Variants in MEIOB observed in about 807,000 individuals in gnomAD.
MEIOB encodes the protein meiosis-specific with OB domain-containing protein.
Under a neutral mutation model 53.1 loss-of-function variants are expected in MEIOB, and 50 were observed. The observed-to-expected ratio is 0.94, with a 90% CI of 0.75 to 1.19. MEIOB has a LOEUF of 1.19. MEIOB is among the 50% of genes most tolerant of loss of function. MEIOB has a pLI of 0.00. For missense variants in MEIOB, 551 were observed against 550.8 expected (o/e 1.00, Z 0.00); for synonymous variants, 192 against 182.5 (o/e 1.05, Z -0.42).
intron 3 of MEIOB, among the ~76,000 whole-genome samples, chr16:1,863,253 G>A (rs1899495633): frequency 6.6e-6 from 1 of 151,890 alleles, no homozygotes; most frequent in Non-Finnish European, 1.5e-5. Context: ...TCAGTGACGC[G>A]ATCTCTCGGC....
chr16:1,835,472 G>T (rs1414181983), intron 13 of MEIOB, among the ~76,000 whole-genome samples: 1 of 151,834 alleles, frequency 6.6e-6, no homozygotes, highest in African/African-American at 2.4e-5. Flanking sequence ...AGAGTGGAAG[G>T]ACATATCAAC....
At chr16:1,859,636 GC>G (rs1899392924) in intron 5 of MEIOB, among the ~76,000 whole-genome samples, 1 of 152,182 alleles carries the variant, frequency 6.6e-6, no homozygotes, top group African/African-American at 2.4e-5. Flanking sequence ...ATTCACTGTG[GC>G]TACAGAGAAA....
intron 2 of MEIOB, 147 bp downstream of exon 2, chr16:1,867,960 C>T (rs1899635541): frequency 4.1e-6 from 2 of 485,196 alleles, no homozygotes; most frequent in African/African-American, 1.9e-5. Flanking sequence ...TTTAGGTATA[C>T]TTAATATCTA....
chr16:1,840,587 A>C (rs1272377065), intron 11 of MEIOB, among the ~76,000 whole-genome samples: 1 of 150,284 alleles, frequency 6.7e-6, no homozygotes, highest in African/African-American at 2.5e-5. Flanking sequence ...TCTGTCGCCC[A>C]GGATGGAGTG....
chr16:1,866,607 A>G (rs2150825022), intron 2 of MEIOB, among the ~76,000 whole-genome samples: 1 of 152,252 alleles, frequency 6.6e-6, no homozygotes, highest in Admixed American at 6.5e-5. Flanking sequence ...CTGTAATCCC[A>G]GCTACTCGCG....
chr16:1,834,224 T>A lies in MEIOB; in HGVS notation c.*32A>T, dbSNP rs574188290. 1.2e-5 allele frequency: 14 copies of A among 1,176,902 alleles called. No individual in the cohort carries two copies. In the Admixed American group the frequency reaches 2.3e-4, roughly 19 times the overall value. 72.9% of individuals were successfully genotyped at this position (1,176,902 alleles called of 1,614,324 possible). On this transcript the variant is annotated 3_prime_UTR_variant, in exon 14 of 14. Transcript: ENST00000325962. ...ATTTTAAAGGGAGTTAAAACTCTTA[T>A]ACTTTTCCAGAGTTCAAAATGATAG... is the stretch of plus-strand genomic sequence containing the variant.
chr16:1,851,046 C>T (rs1285397881), intron 9 of MEIOB, among the ~76,000 whole-genome samples: 1 of 152,152 alleles, frequency 6.6e-6, no homozygotes, highest in African/African-American at 2.4e-5. Flanking sequence ...TATCGTGTGT[C>T]ACCATCAATT....
intron 2 of MEIOB, 90 bp downstream of exon 2, chr16:1,868,017 A>T: frequency 2.9e-6 from 2 of 698,350 alleles, no homozygotes; most frequent in Non-Finnish European, 4.9e-6. Flanking sequence ...CCAATTATAA[A>T]AGCATGTGTT....
intron 9 of MEIOB, among the ~76,000 whole-genome samples, chr16:1,851,210 G>T (rs7200137): frequency 0.6 from 90,476 of 151,904 alleles, 27,141 homozygotes; most frequent in Middle Eastern, 0.7. Context: ...TCTCTTCTCA[G>T]AACAGCTCCT....
At chr16:1,853,414 C>A in intron 7 of MEIOB, 143 bp from the exon 8 acceptor site, 1 of 637,794 alleles carries the variant, frequency 1.6e-6, no homozygotes, top group East Asian at 2.7e-5. Context: ...TAGTCTTAAG[C>A]ATGCCAGCTT....
intron 9 of MEIOB, among the ~76,000 whole-genome samples, chr16:1,852,289 A>AGTCTC (rs1899193059): frequency 9.7e-6 from 1 of 103,602 alleles, no homozygotes; most frequent in Admixed American, 1.6e-4. Flanking sequence ...TTTGAGACGG[A>AGTCTC]GTCTCGCTCT....
At chr16:1,870,174 G>A (rs1159068398) in intron 1 of MEIOB, among the ~76,000 whole-genome samples, 1 of 152,128 alleles carries the variant, frequency 6.6e-6, no homozygotes. Flanking sequence ...GCCCAGCCCG[G>A]GAAAATTATT....
At chr16:1,839,142 G>A (rs1898829897) in intron 12 of MEIOB, 113 bp downstream of exon 12, 17 of 1,275,908 alleles carry the variant, frequency 1.3e-5, no homozygotes, top group Non-Finnish European at 1.8e-5. Flanking sequence ...TTCCCAGGCT[G>A]TTTATTAGTG....
In MEIOB at chr16:1,857,831, A is replaced by T; in HGVS notation, c.432T>A (p.Val144=). 6.4e-7 allele frequency: 1 copy of T among 1,551,258 alleles called. No individual in the cohort carries two copies. The highest frequency in any genetic ancestry group is 1.4e-5 in the African/African-American group (1 of 73,174). The change falls in exon 6 of 14, where the codon GTT becomes GTA. Residue 144 remains valine, a synonymous_variant. Transcript: ENST00000325962. ...TKLLSLIHLP[V]KESHDYYSLG... ...GTGAATAATAATCATGAGACTCTTT[A>T]ACAGGTAAATGTATCAAAGAAAGTA...
At chr16:1,860,808 T>G (rs1015023980) in intron 4 of MEIOB, among the ~76,000 whole-genome samples, 15 of 152,148 alleles carry the variant, frequency 9.9e-5, no homozygotes, top group African/African-American at 3.6e-4. Flanking sequence ...ATACCATACA[T>G]TGTCCTGAAA....
chr16:1,857,995 T>C, intron 5 of MEIOB, 65 bp from the exon 6 acceptor site: 1 of 1,061,934 alleles, frequency 9.4e-7, no homozygotes, highest in Non-Finnish European at 1.4e-6. Context: ...TATTTCCAGG[T>C]CCACATTTAA....
intron 6 of MEIOB, among the ~76,000 whole-genome samples, chr16:1,854,737 C>A (rs562205588): frequency 1.3e-5 from 2 of 151,818 alleles, no homozygotes; most frequent in African/African-American, 4.8e-5. Flanking sequence ...GAGCCACATG[C>A]GAGATACACA....
intron 4 of MEIOB, 51 bp downstream of exon 4, chr16:1,861,934 C>T: frequency 6.6e-7 from 1 of 1,505,504 alleles, no homozygotes. Context: ...ATAAACATAC[C>T]ACAGGAATAA....
chr16:1,870,932 T>A (rs1024152478), intron 1 of MEIOB, among the ~76,000 whole-genome samples: 2 of 152,112 alleles, frequency 1.3e-5, no homozygotes, highest in African/African-American at 4.8e-5. Context: ...TGGCTGAATA[T>A]TCTGTACAAA....
Sources: allele counts gnomAD v4.1 joint callset (sites outside exome capture counted in the v4.1 genomes callset), GRCh38; gene constraint gnomAD v4.1.1; transcripts MANE v1.5; gene names NCBI Gene and HGNC (gene_info 2026-07-23, HGNC 2026-07-21).